Variants in GALNTL6 observed in about 807,000 individuals in gnomAD.
The protein encoded by GALNTL6 is polypeptide N-acetylgalactosaminyltransferase-like 6.
In GALNTL6, 46 loss-of-function variants were observed where a neutral mutation model predicts 73.7. The observed-to-expected ratio is 0.62, with a 90% CI of 0.49 to 0.80. GALNTL6 has a LOEUF of 0.80. Among genes scored for constraint, GALNTL6 ranks in the 30% least tolerant of loss-of-function variants. The pLI is 0.00. For missense variants in GALNTL6, 604 were observed against 755.0 expected (o/e 0.80, Z 2.34); for synonymous variants, 259 against 263.7 (o/e 0.98, Z 0.17).
intron 2 of GALNTL6, among the ~76,000 whole-genome samples, chr4:172,021,361 A>G (rs1260403481): frequency 6.6e-6 from 1 of 152,076 alleles, no homozygotes; most frequent in Non-Finnish European, 1.5e-5. Flanking sequence ...TGCACATGAT[A>G]CAATCTTATA....
chr4:172,783,751 G>A (rs1229674675), intron 5 of GALNTL6, among the ~76,000 whole-genome samples: 2 of 151,946 alleles, frequency 1.3e-5, no homozygotes, highest in African/African-American at 4.8e-5. Flanking sequence ...TGTTTGTTTA[G>A]CAGTGATAAG....
intron 5 of GALNTL6, among the ~76,000 whole-genome samples, chr4:172,790,851 A>T (rs1739953698): frequency 2.7e-5 from 4 of 149,906 alleles, no homozygotes; most frequent in Non-Finnish European, 5.9e-5. Context: ...GTGAGCCAAG[A>T]TCACACTACT....
chr4:172,787,852 C>G (rs1015912546), intron 5 of GALNTL6, among the ~76,000 whole-genome samples: 2 of 152,048 alleles, frequency 1.3e-5, no homozygotes, highest in Non-Finnish European at 2.9e-5. Flanking sequence ...TGGAGGTCAC[C>G]GCAACAGCAA....
At chr4:172,766,897 A>G (rs1320105216) in intron 5 of GALNTL6, among the ~76,000 whole-genome samples, 2 of 152,208 alleles carry the variant, frequency 1.3e-5, no homozygotes, top group African/African-American at 4.8e-5. Flanking sequence ...GAAGGAATTT[A>G]TTGGCCATGC....
chr4:173,003,400 G>C (rs1219427228), intron 10 of GALNTL6, among the ~76,000 whole-genome samples: 3 of 152,154 alleles, frequency 2.0e-5, no homozygotes, highest in East Asian at 1.9e-4. Context: ...CTGGGCCAAG[G>C]CTTGTTCATC....
chr4:172,895,599 T>A (rs1050572180), intron 8 of GALNTL6, among the ~76,000 whole-genome samples: 1 of 152,082 alleles, frequency 6.6e-6, no homozygotes, highest in African/African-American at 2.4e-5. Context: ...AGGGTATTCT[T>A]GTTTGGGTTG....
intron 2 of GALNTL6, among the ~76,000 whole-genome samples, chr4:171,946,131 C>G (rs775306511): frequency 2.0e-5 from 3 of 152,012 alleles, no homozygotes; most frequent in Non-Finnish European, 4.4e-5. Context: ...ATTTGTAGTT[C>G]AAATAGAATT....
In GALNTL6 at chr4:172,777,569, A is replaced by G. The variant is rs192205925; in HGVS notation, c.554-31792A>G. 3.9e-5 allele frequency among the ~76,000 whole-genome samples: 6 copies of G among 152,334 alleles called. No individual in the cohort carries two copies. In the East Asian group the frequency reaches 7.7e-4, roughly 20 times the overall value. On this transcript the variant is annotated intron_variant, in intron 5 of 12. Coordinates refer to ENST00000506823, the MANE Select transcript of GALNTL6 (RefSeq NM_001034845.3). ...TTTGAAAGCTGAAATGAGAAAACAT[A>G]CTTTGCATTGTATCTGACTCTTGGT... is the stretch of plus-strand genomic sequence containing the variant.
At chr4:172,170,810 T>A (rs141003194) in intron 2 of GALNTL6, among the ~76,000 whole-genome samples, 1 of 152,214 alleles carries the variant, frequency 6.6e-6, no homozygotes. Flanking sequence ...CACCACGCCC[T>A]GCTGGGAAAT....
chr4:173,035,576 C>T (rs1753663602), intron 12 of GALNTL6, among the ~76,000 whole-genome samples: 1 of 152,122 alleles, frequency 6.6e-6, no homozygotes, highest in African/African-American at 2.4e-5. Context: ...TCATACACAC[C>T]AGAAAATAAA....
intron 7 of GALNTL6, among the ~76,000 whole-genome samples, chr4:172,817,731 C>T (rs1471753694): frequency 6.6e-6 from 1 of 152,126 alleles, no homozygotes; most frequent in African/African-American, 2.4e-5. Flanking sequence ...GTCCAAATTC[C>T]CTTCAATGTG....
chr4:172,103,563 C>A (rs1732584045), intron 2 of GALNTL6, among the ~76,000 whole-genome samples: 1 of 152,196 alleles, frequency 6.6e-6, no homozygotes, highest in Non-Finnish European at 1.5e-5. Flanking sequence ...GATATACACA[C>A]AATCTATCTG....
intron 2 of GALNTL6, among the ~76,000 whole-genome samples, chr4:172,014,245 G>A (rs904593066): frequency 6.6e-6 from 1 of 151,958 alleles, no homozygotes; most frequent in Non-Finnish European, 1.5e-5. Context: ...TGAGCAGTGA[G>A]ATTGCTGGAT....
intron 5 of GALNTL6, among the ~76,000 whole-genome samples, chr4:172,574,987 C>G (rs1387014719): frequency 6.6e-6 from 1 of 151,848 alleles, no homozygotes; most frequent in Admixed American, 6.6e-5. Flanking sequence ...CTCCTGTGCT[C>G]TCCAATTAGC....
At chr4:172,932,041 A>G (rs536536593) in intron 9 of GALNTL6, among the ~76,000 whole-genome samples, 8 of 152,344 alleles carry the variant, frequency 5.3e-5, no homozygotes, top group African/African-American at 1.9e-4. Flanking sequence ...GAAAAAGAGA[A>G]TTTTATCACA....
At chr4:172,027,635 A>G (rs1741629869) in intron 2 of GALNTL6, among the ~76,000 whole-genome samples, 1 of 152,038 alleles carries the variant, frequency 6.6e-6, no homozygotes, top group African/African-American at 2.4e-5. Context: ...CATGTCTCTC[A>G]CTTTAAATCA....
At chr4:171,956,244 A>G (rs75945075) in intron 2 of GALNTL6, among the ~76,000 whole-genome samples, 1 of 152,072 alleles carries the variant, frequency 6.6e-6, no homozygotes, top group East Asian at 1.9e-4. Context: ...GGCTAAACCA[A>G]TCTGCCCACT....
intron 5 of GALNTL6, among the ~76,000 whole-genome samples, chr4:172,720,930 A>G (rs947905353): frequency 2.0e-5 from 3 of 152,220 alleles, no homozygotes; most frequent in Admixed American, 6.5e-5. Flanking sequence ...TATACTTTTC[A>G]TGGTTGATTC....
chr4:173,005,259 C>G (rs1393825619), intron 10 of GALNTL6, among the ~76,000 whole-genome samples: 1 of 152,182 alleles, frequency 6.6e-6, no homozygotes, highest in East Asian at 1.9e-4. Context: ...CTCCTTCCCA[C>G]CCATTCCTAG....
Sources: allele counts gnomAD v4.1 joint callset (sites outside exome capture counted in the v4.1 genomes callset), GRCh38; gene constraint gnomAD v4.1.1; transcripts MANE v1.5; gene names NCBI Gene and HGNC (gene_info 2026-07-23, HGNC 2026-07-21).